The following ADGRD1 variants were observed in gnomAD, a reference collection of about 807,000 sequenced individuals.
The protein encoded by ADGRD1 is G-protein coupled receptor 133.
A neutral mutation model predicts 113.4 loss-of-function variants in ADGRD1; 77 were observed. The observed-to-expected ratio is 0.68, with a 90% confidence interval of 0.57 to 0.82. The LOEUF (loss-of-function observed/expected upper bound fraction) is 0.82, where lower values mean the gene tolerates loss of function less well. Ranked by LOEUF, ADGRD1 falls within the 40% of genes least tolerant of loss-of-function variation. ADGRD1 has a pLI of 0.00. For missense variants in ADGRD1, 1,036 were observed against 1,139.1 expected, an observed-to-expected ratio of 0.91 and a Z score of 1.30; for synonymous variants, 474 against 475.0, an observed-to-expected ratio of 1.00 and a Z score of 0.03.
intron 13 of ADGRD1, among the ~76,000 whole-genome samples, chr12:131,039,930 G>A (rs894180081): frequency 2.6e-5 from 4 of 152,224 alleles, no homozygotes; most frequent in African/African-American, 9.6e-5. Flanking sequence ...TGGCCCTGCC[G>A]GCGGTCCCTG....
rs190628609 is a variant in ADGRD1 at position 131,140,125 on chromosome 12, C to T, written c.*862C>T. 2.0e-5 allele frequency: 3 copies of T among 152,386 alleles called. No homozygotes were observed. The East Asian group carries it at 5.8e-4, about 30-fold the overall frequency. 9.4% of individuals were successfully genotyped at this position (152,386 alleles called of 1,614,324 possible). On this transcript the variant is annotated 3_prime_UTR_variant, in exon 25 of 25. Coordinates refer to ENST00000261654, the MANE Select transcript of ADGRD1 (RefSeq NM_198827.5). Reference sequence around the variant, plus strand: ...CCAGCCTCCTTGGTTGTTCTTGGGCCACAGGAGCTGGCCGTGTCCCCGCAG... The same window carrying T: ...CCAGCCTCCTTGGTTGTTCTTGGGCTACAGGAGCTGGCCGTGTCCCCGCAG...
intron 20 of ADGRD1, among the ~76,000 whole-genome samples, chr12:131,125,041 C>T (rs1950708869): frequency 6.6e-6 from 1 of 152,192 alleles, no homozygotes; most frequent in African/African-American, 2.4e-5. Flanking sequence ...TTCCCTGTGT[C>T]CTCACATGCT....
At position 131,003,337 on chromosome 12, in the gene ADGRD1, G is replaced by A. The variant is rs1489940481; in HGVS notation, c.1144+35G>A. On this transcript the variant is annotated intron_variant, in intron 10 of 24. Transcript: ENST00000261654. The surrounding 1 kb of genome is among the most constrained non-coding windows in gnomAD (Gnocchi z 4.8). The stretch of plus-strand genomic sequence containing the variant: ...GCTTGTAAGGGTGAGCCACATGGCA[G>A]GGGCGGGGGCTGGAGGCTGCGTTTC... 2 of 1,431,940 alleles carry A rather than the reference G, an allele frequency of 1.4e-6. No homozygotes were observed. The highest frequency in any genetic ancestry group is 9.8e-7 in the Non-Finnish European group (1 of 1,016,678). The allele number at this position is 1,431,940 out of a possible 1,614,324, so 88.7% of individuals were successfully genotyped here.
At chr12:131,106,089 T>G (rs1160342647) in intron 17 of ADGRD1, among the ~76,000 whole-genome samples, 2 of 152,066 alleles carry the variant, frequency 1.3e-5, no homozygotes, top group African/African-American at 4.8e-5. Context: ...CGCCACCCAC[T>G]CACACTGCCT....
rs533254051 is a variant in ADGRD1 at position 131,120,308 on chromosome 12, C to T, written c.2109-539C>T. 2.3e-3 allele frequency among the ~76,000 whole-genome samples: 353 copies of T among 152,078 alleles called. 1 individual carries two copies. Among genetic ancestry groups the T allele is most frequent in the African/African-American group, 7.9e-3 (327 of 41,476 alleles). On this transcript the variant is annotated intron_variant, in intron 19 of 24. Transcript: ENST00000261654. ...GTGGAGGAGCTGGCTTTTTTTTGCC[C>T]GAGTTCTTGGGGTCACTTCTCAGAG...
At chr12:131,065,629 C>A (rs1000477673) in intron 13 of ADGRD1, among the ~76,000 whole-genome samples, 2 of 152,030 alleles carry the variant, frequency 1.3e-5, no homozygotes, top group African/African-American at 4.8e-5. Context: ...CCTTTTGAGA[C>A]CAGGCTGGAG....
rs116001462 is a variant in ADGRD1 at position 131,113,911 on chromosome 12, T to C, written c.2042-4474T>C. On this transcript the variant is annotated intron_variant, in intron 18 of 24. Coordinates refer to ENST00000261654, the MANE Select transcript of ADGRD1 (RefSeq NM_198827.5). This position sits in a 1 kb window ranked among gnomAD's most constrained non-coding sequence, Gnocchi z 4.9. ...CATCAGGGAGGATTTAGAGGCTGAC[T>C]GATGGCCAACTATCTAGAGTTTATT... 3.5e-3 allele frequency among the ~76,000 whole-genome samples: 537 copies of C among 152,366 alleles called. 2 individuals carry two copies. The highest frequency in any genetic ancestry group is 0.013 in the African/African-American group (520 of 41,584).
chr12:130,973,366 T>G (rs1395841526), intron 4 of ADGRD1: 1 of 152,250 alleles, frequency 6.6e-6, no homozygotes, highest in Non-Finnish European at 1.5e-5. Flanking sequence ...CCCATACAGT[T>G]GCTGTGAAGA....
chr12:131,100,577 G>A (rs1358937430), intron 15 of ADGRD1, among the ~76,000 whole-genome samples: 1 of 152,086 alleles, frequency 6.6e-6, no homozygotes, highest in African/African-American at 2.4e-5. Context: ...TGATGGGTTG[G>A]TTGATGGTGG....
At chr12:131,051,569 C>G (rs938807791) in intron 13 of ADGRD1, among the ~76,000 whole-genome samples, 3 of 151,886 alleles carry the variant, frequency 2.0e-5, no homozygotes, top group Non-Finnish European at 4.4e-5. Context: ...CTGCAACCTC[C>G]ATCTCCCAGG....
intron 8 of ADGRD1, 30 bp downstream of exon 8, chr12:130,992,422 G>C (rs376980567): frequency 1.3e-6 from 2 of 1,591,674 alleles, no homozygotes; most frequent in Admixed American, 1.7e-5. Context: ...GTGTCTGGTG[G>C]ACCGGGCGTG....
Position 130,984,535 on chromosome 12 carries a change from A to G in ADGRD1, c.490+2472A>G, listed in dbSNP as rs1873389599. ...TGAGTGCAAAGTTCAGAGAATTCCC[A>G]TTACCCTCCGCCTCTACACAGGCAC... On this transcript the variant is annotated intron_variant, in intron 5 of 24. Transcript: ENST00000261654. The surrounding 1 kb of genome is among the most constrained non-coding windows in gnomAD (Gnocchi z 4.1). Among the ~76,000 whole-genome samples, 1 of 151,968 alleles carries G rather than the reference A, an allele frequency of 6.6e-6. No homozygotes were observed. The highest frequency in any genetic ancestry group is 6.5e-5 in the Admixed American group (1 of 15,274).
chr12:131,048,883 G>A (rs1309561361), intron 13 of ADGRD1, among the ~76,000 whole-genome samples: 1 of 152,128 alleles, frequency 6.6e-6, no homozygotes, highest in Non-Finnish European at 1.5e-5. Context: ...AGCTGGTGGG[G>A]AAGAAGCCTG....
intron 8 of ADGRD1, chr12:130,994,234 G>A (rs902004592): frequency 1.8e-5 from 8 of 452,890 alleles, no homozygotes; most frequent in Admixed American, 1.2e-4. Context: ...GCACAGGACC[G>A]GGCGTGAGGC....
intron 20 of ADGRD1, among the ~76,000 whole-genome samples, chr12:131,123,615 A>T (rs914440610): frequency 1.3e-5 from 2 of 151,722 alleles, no homozygotes; most frequent in Admixed American, 6.6e-5. Context: ...AGGTCAGGAG[A>T]TCGAGACCAT....
At position 131,138,842 on chromosome 12, in the gene ADGRD1, G is replaced by A. The variant is rs560572432; in HGVS notation, c.2530-326G>A. ...GTGGCACGCTCCATGAGTCACCGTG[G>A]AATGAACGCAGCGTGGACAGATGCA... On this transcript the variant is annotated intron_variant, in intron 24 of 24. Transcript: ENST00000261654. Among the ~76,000 whole-genome samples the A allele has an allele frequency of 7.2e-5, 11 of 152,342 alleles. No individual in the cohort carries two copies. In the East Asian group the frequency reaches 2.1e-3, roughly 29 times the overall value.
intron 20 of ADGRD1, among the ~76,000 whole-genome samples, chr12:131,125,675 TA>T (rs1169635545): frequency 6.6e-6 from 1 of 152,180 alleles, no homozygotes; most frequent in African/African-American, 2.4e-5. Flanking sequence ...GATACAGATA[TA>T]TACAGATGCT....
chr12:131,008,314 G>T (rs1944334216), intron 12 of ADGRD1, among the ~76,000 whole-genome samples: 1 of 152,248 alleles, frequency 6.6e-6, no homozygotes, highest in African/African-American at 2.4e-5. Context: ...GCGCACATAT[G>T]CCGGGTTCCT....
At chr12:131,081,012 C>A (rs1886031294) in intron 14 of ADGRD1, among the ~76,000 whole-genome samples, 1 of 152,152 alleles carries the variant, frequency 6.6e-6, no homozygotes, top group Admixed American at 6.5e-5. Flanking sequence ...AAGATTAGCC[C>A]TTTTATCATT....
Sources: gnomAD v4.1 joint callset for allele counts (sites outside exome capture counted in the v4.1 genomes callset) on GRCh38, gnomAD v4.1.1 for gene constraint, Gnocchi (gnomAD v3.1) non-coding constraint, MANE v1.5 for transcripts, NCBI Gene and HGNC (gene_info 2026-07-23, HGNC 2026-07-21) for gene names.